The following SCML4 variants were observed in gnomAD, a reference collection of about 807,000 sequenced individuals.
SCML4 encodes the protein Scm polycomb group protein like 4.
Under a neutral mutation model 41.1 loss-of-function variants are expected in SCML4, and 34 were observed. That is an observed-to-expected ratio of 0.83 (90% CI 0.63 to 1.10). SCML4 has a LOEUF of 1.10. Ranked by LOEUF, SCML4 falls within the 50% of genes least tolerant of loss-of-function variation. SCML4 has a pLI of 0.00. For missense variants in SCML4, 522 were observed against 534.1 expected, an observed-to-expected ratio of 0.98 and a Z score of 0.22; for synonymous variants, 214 against 220.9, an observed-to-expected ratio of 0.97 and a Z score of 0.28.
At chr6:107,747,304 T>C (rs1778210300) in intron 3 of SCML4, among the ~76,000 whole-genome samples, 1 of 152,148 alleles carries the variant, frequency 6.6e-6, no homozygotes, top group Admixed American at 6.5e-5. Flanking sequence ...TTGTTAACCG[T>C]CTACGAACAA....
rs76966944 is a variant in SCML4 at position 107,753,549 on chromosome 6, G to A, written c.157-3736C>T. On this transcript the variant is annotated intron_variant, in intron 2 of 7. Coordinates refer to ENST00000369020, the MANE Select transcript of SCML4 (RefSeq NM_198081.5). ...AAAATGTTCTGGAGATTGGTTGCAT[G>A]ACAATGTGAATATACTTAACACTAT... 5.1e-3 allele frequency among the ~76,000 whole-genome samples: 781 copies of A among 152,298 alleles called. 11 individuals are homozygous for A. In the East Asian group the frequency reaches 0.063, roughly 12 times the overall value.
chr6:107,746,833 C>G lies in SCML4; in HGVS notation c.343G>C (p.Val115Leu). 6.2e-7 allele frequency: 1 copy of G among 1,614,118 alleles called. No homozygotes were observed. Among genetic ancestry groups the G allele is most frequent in the East Asian group, 2.2e-5 (1 of 44,880 alleles). The change falls in exon 4 of 8, where the codon GTG (valine) becomes CTG (leucine). Residue 115 changes from valine (V) to leucine (L), a missense_variant. Val to Leu is a conservative substitution (Grantham distance 32). Transcript: ENST00000369020. ...NAGPYLERKK[V>L]QQLPEHFGPE... ...CCAAAATGCTCCGGGAGCTGCTGCA[C>G]CTTCTTCCTCTCCAGATAGGGCCCC...
intron 1 of SCML4, among the ~76,000 whole-genome samples, chr6:107,803,219 G>A (rs201048578): frequency 5.6e-3 from 49 of 8,820 alleles, no homozygotes; most frequent in South Asian, 0.015. Context: ...CTGAGATGTG[G>A]GGAGCGCCTC....
intron 1 of SCML4, among the ~76,000 whole-genome samples, chr6:107,803,234 C>CTGCCGCCCCGTCT (rs71015513): frequency 7.4e-6 from 1 of 134,700 alleles, no homozygotes; most frequent in Non-Finnish European, 1.6e-5. Flanking sequence ...CGCCTCTGCC[C>CTGCCGCCCCGTCT]GGCCGCCCTG....
chr6:107,734,173 C>T (rs1374418432), intron 5 of SCML4, among the ~76,000 whole-genome samples: 1 of 152,152 alleles, frequency 6.6e-6, no homozygotes, highest in African/African-American at 2.4e-5. Flanking sequence ...CACCCCCAAA[C>T]AGTAGAAAGC....
intron 1 of SCML4, among the ~76,000 whole-genome samples, chr6:107,793,131 C>T (rs1039357280): frequency 6.6e-6 from 1 of 152,114 alleles, no homozygotes; most frequent in African/African-American, 2.4e-5. Context: ...TGGTCGGCAG[C>T]CCCCAGAAAT....
the SCML4 span, among the ~76,000 whole-genome samples, chr6:107,841,171 A>T: frequency 6.8e-6 from 1 of 147,938 alleles, no homozygotes; most frequent in Non-Finnish European, 1.5e-5. Context: ...AAAAAAAAAA[A>T]TGAGCTAACT....
chr6:107,718,016 C>A (rs1775003993), intron 6 of SCML4, among the ~76,000 whole-genome samples: 1 of 152,208 alleles, frequency 6.6e-6, no homozygotes, highest in South Asian at 2.1e-4. Flanking sequence ...TGGGGTGCAA[C>A]CAGGCTCCAG....
chr6:107,708,282 G>A (rs1773873638), intron 6 of SCML4, among the ~76,000 whole-genome samples: 1 of 152,126 alleles, frequency 6.6e-6, no homozygotes, highest in Non-Finnish European at 1.5e-5. Flanking sequence ...CTAGACAGTG[G>A]ATTCCCTTCA....
the SCML4 span, among the ~76,000 whole-genome samples, chr6:107,832,552 A>T: frequency 6.6e-6 from 1 of 152,168 alleles, no homozygotes; most frequent in African/African-American, 2.4e-5. Context: ...TTCCTGAACC[A>T]AAGACTGCCA....
intron 1 of SCML4, among the ~76,000 whole-genome samples, chr6:107,797,284 T>C (rs1439133977): frequency 3.3e-5 from 5 of 152,128 alleles, no homozygotes; most frequent in African/African-American, 1.2e-4. Context: ...TCTCTCCATT[T>C]ACTTAAGACT....
At chr6:107,774,402 C>A (rs73525411) in intron 1 of SCML4, among the ~76,000 whole-genome samples, 3,076 of 151,992 alleles carry the variant, frequency 0.02, 114 homozygotes, top group African/African-American at 0.071. Flanking sequence ...AGCTCATTAA[C>A]ATGTGAACAA....
Position 107,720,885 on chromosome 6 carries a change from G to A in SCML4, c.791C>T (p.Ser264Phe). 6.2e-7 allele frequency: 1 copy of A among 1,614,222 alleles called. No individual in the cohort carries two copies. The highest frequency in any genetic ancestry group is 8.5e-7 in the Non-Finnish European group (1 of 1,180,038). ...CTGCCTCTTGCAGTACAGCGAGGAG[G>A]AGGGGTGCAAGGAGCCCCTGTGGTT... ...TFNHRGSLHP[S>F]SSLYCKRQNS... Residue 264 changes from serine (S) to phenylalanine (F), a missense_variant, in exon 6 of 8, where the codon TCC becomes TTC. Physicochemically the swap from Ser to Phe is radical, Grantham distance 155 (BLOSUM62 -2). Coordinates refer to ENST00000369020, the MANE Select transcript of SCML4 (RefSeq NM_198081.5).
At chr6:107,798,926 C>A (rs552889763) in intron 1 of SCML4, among the ~76,000 whole-genome samples, 8 of 152,212 alleles carry the variant, frequency 5.3e-5, no homozygotes, top group African/African-American at 1.9e-4. Flanking sequence ...CTATTGACTT[C>A]TAAAACACTC....
intron 1 of SCML4, among the ~76,000 whole-genome samples, chr6:107,789,915 T>G (rs959063553): frequency 5.9e-5 from 9 of 152,200 alleles, no homozygotes; most frequent in African/African-American, 1.9e-4. Flanking sequence ...ATATATTATT[T>G]TATTAAATTC....
intron 2 of SCML4, among the ~76,000 whole-genome samples, chr6:107,757,113 G>A (rs190550529): frequency 5.9e-5 from 9 of 152,308 alleles, no homozygotes; most frequent in Admixed American, 5.2e-4. Context: ...TCTCCACCAG[G>A]GGGGCTGGGG....
chr6:107,740,515 A>G (rs887712020), intron 5 of SCML4, among the ~76,000 whole-genome samples: 2 of 152,184 alleles, frequency 1.3e-5, no homozygotes, highest in Non-Finnish European at 2.9e-5. Flanking sequence ...GGATCAGCCA[A>G]TACATCCAGA....
At chr6:107,738,096 C>A (rs1289161428) in intron 5 of SCML4, among the ~76,000 whole-genome samples, 11 of 152,184 alleles carry the variant, frequency 7.2e-5, no homozygotes, top group African/African-American at 2.4e-4. Flanking sequence ...AAGGCAACAA[C>A]AATTTTCCCC....
At chr6:107,802,177 G>A (rs189122620) in intron 1 of SCML4, among the ~76,000 whole-genome samples, 3 of 152,234 alleles carry the variant, frequency 2.0e-5, no homozygotes, top group East Asian at 1.9e-4. Flanking sequence ...CTGTTCTCAC[G>A]GAACTTATAT....
Sources: gnomAD v4.1 joint callset for allele counts (sites outside exome capture counted in the v4.1 genomes callset) on GRCh38, gnomAD v4.1.1 for gene constraint, MANE v1.5 for transcripts, NCBI Gene and HGNC (gene_info 2026-07-23, HGNC 2026-07-21) for gene names.